CDK14: variants seen among roughly 807,000 people sequenced by gnomAD.
CDK14 encodes cyclin dependent kinase 14.
Under a neutral mutation model 60.7 loss-of-function variants are expected in CDK14, and 34 were observed. That is an observed-to-expected ratio of 0.56 (90% CI 0.43 to 0.75). The LOEUF (loss-of-function observed/expected upper bound fraction) is 0.75, where lower values mean the gene tolerates loss of function less well. Among genes scored for constraint, CDK14 ranks in the 30% least tolerant of loss-of-function variants. The probability of loss-of-function intolerance (pLI) is 0.00; values close to 1 mark genes in which losing one functional copy is unlikely to be tolerated. For missense variants in CDK14, 482 were observed against 564.1 expected (o/e 0.85, Z 1.47); for synonymous variants, 197 against 203.7 (o/e 0.97, Z 0.28).
intron 5 of CDK14, among the ~76,000 whole-genome samples, chr7:90,837,682 C>T (rs924132718): frequency 2.6e-5 from 4 of 152,098 alleles, no homozygotes; most frequent in Non-Finnish European, 5.9e-5. Flanking sequence ...CTTAGAAGCC[C>T]AGCAGAGCCT....
chr7:91,201,828 G>C (rs950506815), intron 14 of CDK14, among the ~76,000 whole-genome samples: 3 of 152,192 alleles, frequency 2.0e-5, no homozygotes, highest in African/African-American at 7.2e-5. Flanking sequence ...GCTCAAAAGA[G>C]TGATGAAGCA....
At chr7:90,613,652 A>AC (rs1487477482) in intron 2 of CDK14, among the ~76,000 whole-genome samples, 1 of 152,158 alleles carries the variant, frequency 6.6e-6, no homozygotes, top group East Asian at 1.9e-4. Context: ...GTGCCACTGC[A>AC]CACCAGCCTG....
Position 90,637,684 on chromosome 7 carries a change from T to TATCC in CDK14, c.123+33436_123+33439dup, listed in dbSNP as rs1266121446. On this transcript the variant is annotated intron_variant, in intron 2 of 14. Transcript: ENST00000380050. ...TGCAGAGCTGAGTTCAATTCCTGGG[T>TATCC]ATCCTTGTTAACTTTCTGTCTCGTT... 1.1e-4 allele frequency among the ~76,000 whole-genome samples: 17 copies of TATCC among 149,804 alleles called. No homozygotes were observed. In the East Asian group the frequency reaches 3.4e-3, roughly 30 times the overall value.
intron 14 of CDK14, among the ~76,000 whole-genome samples, chr7:91,174,362 CAG>C (rs1801649571): frequency 6.7e-6 from 1 of 150,214 alleles, no homozygotes; most frequent in Non-Finnish European, 1.5e-5. Context: ...GGGGAAAAAA[CAG>C]AACAGAAAAA....
intron 11 of CDK14, among the ~76,000 whole-genome samples, chr7:91,064,627 C>G (rs906039449): frequency 6.6e-6 from 1 of 152,060 alleles, no homozygotes; most frequent in Non-Finnish European, 1.5e-5. Context: ...CACTATAGCC[C>G]GCATCACAGC....
chr7:90,809,067 C>T (rs985117906), intron 5 of CDK14, among the ~76,000 whole-genome samples: 5 of 152,130 alleles, frequency 3.3e-5, no homozygotes, highest in African/African-American at 4.8e-5. Context: ...ATCAATGAGA[C>T]AGAAAGTTAA....
intron 10 of CDK14, among the ~76,000 whole-genome samples, chr7:90,985,617 C>T (rs1252481872): frequency 1.3e-5 from 2 of 152,012 alleles, no homozygotes; most frequent in East Asian, 1.9e-4. Context: ...TAGAACGTAG[C>T]GATACAAACT....
intron 14 of CDK14, among the ~76,000 whole-genome samples, chr7:91,202,406 G>T (rs988415785): frequency 1.3e-5 from 2 of 152,140 alleles, no homozygotes; most frequent in Non-Finnish European, 2.9e-5. Flanking sequence ...CCTATGAGTG[G>T]CTATGCACAT....
intron 12 of CDK14, among the ~76,000 whole-genome samples, chr7:91,091,732 A>G (rs1380458993): frequency 2.4e-5 from 2 of 83,992 alleles, no homozygotes; most frequent in African/African-American, 8.6e-5. Flanking sequence ...GAAGGAAGGA[A>G]GGAAGGAAGG....
intron 11 of CDK14, among the ~76,000 whole-genome samples, chr7:91,078,094 ATG>A (rs1297610973): frequency 6.6e-6 from 1 of 152,210 alleles, no homozygotes; most frequent in Non-Finnish European, 1.5e-5. Flanking sequence ...ATTTATTAAA[ATG>A]TAAAATATGC....
At chr7:90,603,936 T>TCTG in intron 1 of CDK14, among the ~76,000 whole-genome samples, 1 of 152,354 alleles carries the variant, frequency 6.6e-6, no homozygotes, top group East Asian at 1.9e-4. Flanking sequence ...ATGTTCCAAC[T>TCTG]AAAGAAGAGA....
intron 3 of CDK14, among the ~76,000 whole-genome samples, chr7:90,742,108 G>GT (rs1211493242): frequency 6.6e-6 from 1 of 151,922 alleles, no homozygotes; most frequent in Non-Finnish European, 1.5e-5. Context: ...TGTTTAATTA[G>GT]TTAGTTAATT....
chr7:90,923,452 TG>T (rs1793316183), intron 8 of CDK14, among the ~76,000 whole-genome samples: 2 of 152,130 alleles, frequency 1.3e-5, no homozygotes, highest in Non-Finnish European at 2.9e-5. Flanking sequence ...AAGCTGTAAA[TG>T]GGAACAAGAA....
intron 10 of CDK14, among the ~76,000 whole-genome samples, chr7:91,013,640 C>T (rs1250310212): frequency 1.3e-5 from 2 of 148,156 alleles, no homozygotes; most frequent in East Asian, 2.0e-4. Flanking sequence ...GTGGATCACA[C>T]GGTCTCATTG....
intron 10 of CDK14, among the ~76,000 whole-genome samples, chr7:90,990,804 C>T (rs1202050872): frequency 1.3e-5 from 2 of 152,108 alleles, no homozygotes; most frequent in Non-Finnish European, 2.9e-5. Context: ...TCCAACATTT[C>T]TGTATTACTA....
chr7:90,783,377 A>T (rs543214893), intron 4 of CDK14, among the ~76,000 whole-genome samples: 1 of 152,246 alleles, frequency 6.6e-6, no homozygotes, highest in East Asian at 1.9e-4. Flanking sequence ...TTGAGGTTTT[A>T]CTGAAGAACT....
At chr7:91,154,411 A>G (rs1800919908) in intron 14 of CDK14, among the ~76,000 whole-genome samples, 1 of 152,104 alleles carries the variant, frequency 6.6e-6, no homozygotes, top group African/African-American at 2.4e-5. Flanking sequence ...ATCTTTCCCT[A>G]CATTGCTAAT....
At chr7:90,823,460 A>G (rs981546617) in intron 5 of CDK14, among the ~76,000 whole-genome samples, 1 of 152,210 alleles carries the variant, frequency 6.6e-6, no homozygotes, top group East Asian at 1.9e-4. Flanking sequence ...ACATCCTTCA[A>G]TTTGGATGTA....
At chr7:91,067,391 C>T (rs1010427988) in intron 11 of CDK14, among the ~76,000 whole-genome samples, 1 of 152,138 alleles carries the variant, frequency 6.6e-6, no homozygotes, top group African/African-American at 2.4e-5. Flanking sequence ...AATGATGAGG[C>T]TCTGTGTGTT....
Sources: allele counts gnomAD v4.1 joint callset (sites outside exome capture counted in the v4.1 genomes callset), GRCh38; gene constraint gnomAD v4.1.1; transcripts MANE v1.5; gene names NCBI Gene and HGNC (gene_info 2026-07-23, HGNC 2026-07-21).